The following TIGAR variants were observed in gnomAD, a reference collection of about 807,000 sequenced individuals.
TIGAR encodes fructose-2,6-bisphosphatase TIGAR.
Under a neutral mutation model 17.9 loss-of-function variants are expected in TIGAR, and 7 were observed. The observed-to-expected ratio is 0.39, with a 90% CI of 0.22 to 0.73. TIGAR has a LOEUF of 0.73. Among genes scored for constraint, TIGAR ranks in the 30% least tolerant of loss-of-function variants. The pLI is 0.42. For synonymous variants in TIGAR, 94 were observed against 108.6 expected (o/e 0.87, Z 0.84); for missense variants, 258 against 327.4 (o/e 0.79, Z 1.64).
chr12:4,324,416 C>A (rs1050997805), intron 1 of TIGAR: 8 of 1,428,824 alleles, frequency 5.6e-6, no homozygotes, highest in African/African-American at 1.4e-5. Flanking sequence ...GCCCCGATGC[C>A]GGGCCGGCAG....
At chr12:4,333,118 A>G (rs1864621181) in intron 2 of TIGAR, among the ~76,000 whole-genome samples, 1 of 152,146 alleles carries the variant, frequency 6.6e-6, no homozygotes, top group African/African-American at 2.4e-5. Flanking sequence ...TTTGTCATAA[A>G]GTCTTATTTT....
chr12:4,323,006 C>G (rs1192760198), intron 1 of TIGAR, among the ~76,000 whole-genome samples: 1 of 151,710 alleles, frequency 6.6e-6, no homozygotes, highest in Non-Finnish European at 1.5e-5. Flanking sequence ...TGGTTCACCC[C>G]TGTAATCCTA....
chr12:4,324,518 T>C (rs1398014462), intron 1 of TIGAR: 1 of 1,609,930 alleles, frequency 6.2e-7, no homozygotes, highest in Non-Finnish European at 8.5e-7. Context: ...GTCTTGCCGT[T>C]GTAGACGCCC....
In TIGAR at chr12:4,353,342, G is replaced by C; in HGVS notation, c.*651G>C. On this transcript the variant is annotated 3_prime_UTR_variant, in exon 6 of 6. Transcript: ENST00000179259. Reference sequence around the variant, plus strand: ...AAGAATCTTGGAGCAGAAGATAGAAGAACAGCCTTTTCTAAATAATGCCTT... The same window carrying C: ...AAGAATCTTGGAGCAGAAGATAGAACAACAGCCTTTTCTAAATAATGCCTT... The C allele has an allele frequency of 6.6e-6, 1 of 152,184 alleles. No individual in the cohort carries two copies. Among genetic ancestry groups the C allele is most frequent in the Non-Finnish European group, 1.5e-5 (1 of 68,022 alleles). 9.4% of individuals were successfully genotyped at this position (152,184 alleles called of 1,614,324 possible). A position where few individuals can be genotyped will look rare whatever the true frequency, so the allele number is the denominator to read the frequency against.
intron 5 of TIGAR, 23 bp downstream of exon 5, chr12:4,351,400 G>C: frequency 6.3e-7 from 1 of 1,589,830 alleles, no homozygotes. Context: ...GCCGATGTCA[G>C]AATGGTTGAA....
In TIGAR at chr12:4,352,466, G is replaced by A. The variant is rs140118720; in HGVS notation, c.588G>A (p.Val196=). ...IPGLAASVLV[V]SHGAYMRSLF... is the part of the protein sequence containing the mutation. Reference sequence around the variant, plus strand: ...GATTAGCAGCCAGTGTCTTAGTTGTGAGTCACGGTGCTTACATGAGAAGTC... The same window carrying A: ...GATTAGCAGCCAGTGTCTTAGTTGTAAGTCACGGTGCTTACATGAGAAGTC... Residue 196 remains valine, a synonymous_variant, in exon 6 of 6, where the codon GTG becomes GTA. Transcript: ENST00000179259. The A allele has an allele frequency of 7.8e-5, 126 of 1,613,984 alleles. No homozygotes were observed. Among genetic ancestry groups the A allele is most frequent in the Non-Finnish European group, 1.0e-4 (123 of 1,180,002 alleles).
In TIGAR at chr12:4,321,630, C is replaced by T. The variant is rs975498451; in HGVS notation, c.32+327C>T. Among the ~76,000 whole-genome samples the T allele has an allele frequency of 6.6e-6, 1 of 152,186 alleles. No individual in the cohort carries two copies. The highest frequency in any genetic ancestry group is 2.1e-4 in the South Asian group (1 of 4,830). ...AAACGGTGCCAGACATGTCCACAGA[C>T]TTGTCTGGGTACCGATTTTGCTCCC... On this transcript the variant is annotated intron_variant, in intron 1 of 5. Coordinates refer to ENST00000179259, the MANE Select transcript of TIGAR (RefSeq NM_020375.3). This position sits in a 1 kb window ranked among gnomAD's most constrained non-coding sequence, Gnocchi z 5.2.
Position 4,321,384 on chromosome 12 carries a change from C to T in TIGAR, c.32+81C>T. Reference sequence around the variant, plus strand: ...GCGGGTGAAGGGAAAACGGGTCCACCACCCTCTCCCCTCCCTGCTCGCTCC... The same window carrying T: ...GCGGGTGAAGGGAAAACGGGTCCACTACCCTCTCCCCTCCCTGCTCGCTCC... On this transcript the variant is annotated intron_variant, in intron 1 of 5. Coordinates refer to ENST00000179259, the MANE Select transcript of TIGAR (RefSeq NM_020375.3). The surrounding 1 kb of genome is among the most constrained non-coding windows in gnomAD (Gnocchi z 5.2). The T allele has an allele frequency of 6.4e-7, 1 of 1,569,946 alleles. No individual in the cohort carries two copies. The highest frequency in any genetic ancestry group is 8.6e-7 in the Non-Finnish European group (1 of 1,156,594).
At position 4,359,988 on chromosome 12, in the gene TIGAR, T is replaced by C. The variant is rs1015310204; in HGVS notation, c.*7297T>C. ...ATTCTTATTGATCATTCATACAGCT[T>C]TCTTTGTGAAATGTGTATTAAAATC... On this transcript the variant is annotated 3_prime_UTR_variant, in exon 6 of 6. Coordinates refer to ENST00000179259, the MANE Select transcript of TIGAR (RefSeq NM_020375.3). Among the ~76,000 whole-genome samples the C allele has an allele frequency of 6.6e-6, 1 of 152,192 alleles. No homozygotes were observed. Among genetic ancestry groups the C allele is most frequent in the African/African-American group, 2.4e-5 (1 of 41,446 alleles).
chr12:4,322,602 T>C (rs1591657582), intron 1 of TIGAR, among the ~76,000 whole-genome samples: 1 of 152,342 alleles, frequency 6.6e-6, no homozygotes, highest in East Asian at 1.9e-4. Context: ...ATCATACAGA[T>C]AAATAACATA....
At chr12:4,344,340 C>G (rs566269280) in intron 3 of TIGAR, among the ~76,000 whole-genome samples, 3 of 152,142 alleles carry the variant, frequency 2.0e-5, no homozygotes, top group African/African-American at 7.2e-5. Context: ...CTATCCCAAT[C>G]AATAGAAAAA....
At chr12:4,335,368 A>G (rs780377975) in intron 2 of TIGAR, among the ~76,000 whole-genome samples, 1 of 151,664 alleles carries the variant, frequency 6.6e-6, no homozygotes, top group East Asian at 1.9e-4. Context: ...TAGAGTTCCA[A>G]TTAGATGCAT....
At chr12:4,331,154 A>G (rs1448886981) in intron 1 of TIGAR, 126 bp from the exon 2 acceptor site, 2 of 819,160 alleles carry the variant, frequency 2.4e-6, no homozygotes, top group African/African-American at 1.7e-5. Flanking sequence ...AGGTTGGATT[A>G]TGAAGTGTGT....
intron 2 of TIGAR, among the ~76,000 whole-genome samples, chr12:4,332,952 A>G: frequency 6.6e-6 from 1 of 152,156 alleles, no homozygotes; most frequent in East Asian, 1.9e-4. Context: ...TTTGCCCTTT[A>G]ATACTTGGAA....
intron 1 of TIGAR, among the ~76,000 whole-genome samples, chr12:4,330,990 T>C (rs7978863): frequency 0.21 from 31,772 of 152,202 alleles, 3,347 homozygotes; most frequent in South Asian, 0.3. Flanking sequence ...GCTGAAATGT[T>C]ATTTGCATTA....
chr12:4,339,974 A>G (rs1312254001), intron 3 of TIGAR, among the ~76,000 whole-genome samples: 1 of 152,252 alleles, frequency 6.6e-6, no homozygotes, highest in Non-Finnish European at 1.5e-5. Context: ...CTGAGTGAGG[A>G]GAAACTGAAA....
At chr12:4,324,391 C>T (rs1351519989) in intron 1 of TIGAR, 10 of 1,163,872 alleles carry the variant, frequency 8.6e-6, no homozygotes, top group South Asian at 7.4e-5. Flanking sequence ...GGGGATGAAG[C>T]GGGAGGAGTG....
In TIGAR at chr12:4,357,132, A is replaced by G. The variant is rs747996033; in HGVS notation, c.*4441A>G. 5.9e-5 allele frequency among the ~76,000 whole-genome samples: 9 copies of G among 152,226 alleles called. No homozygotes were observed. The highest frequency in any genetic ancestry group is 1.0e-4 in the Non-Finnish European group (7 of 68,032). On this transcript the variant is annotated 3_prime_UTR_variant, in exon 6 of 6. Coordinates refer to ENST00000179259, the MANE Select transcript of TIGAR (RefSeq NM_020375.3). ...TGAGAGAACAGTGCATCTCACACCC[A>G]TTCCATGGCTTAGGCTTATGCAGGA...
At chr12:4,324,374 A>G (rs1187724860) in intron 1 of TIGAR, 16 of 1,038,652 alleles carry the variant, frequency 1.5e-5, no homozygotes, top group Non-Finnish European at 2.4e-5. Flanking sequence ...CTGAGCCACT[A>G]CTTGAGGGGG....
Sources: allele counts gnomAD v4.1 joint callset (sites outside exome capture counted in the v4.1 genomes callset), GRCh38; gene constraint gnomAD v4.1.1; non-coding constraint Gnocchi (gnomAD v3.1); transcripts MANE v1.5; gene names NCBI Gene and HGNC (gene_info 2026-07-23, HGNC 2026-07-21).